Variants in GALNTL6 observed in about 807,000 individuals in gnomAD.
The protein encoded by GALNTL6 is polypeptide N-acetylgalactosaminyltransferase like 6.
Under a neutral mutation model 73.7 loss-of-function variants are expected in GALNTL6, and 46 were observed. The observed-to-expected ratio is 0.62, with a 90% CI of 0.49 to 0.80. GALNTL6 has a LOEUF of 0.80. Among genes scored for constraint, GALNTL6 ranks in the 30% least tolerant of loss-of-function variants. The pLI is 0.00. For synonymous variants in GALNTL6, 259 were observed against 263.7 expected (o/e 0.98, Z 0.17); for missense variants, 604 against 755.0 (o/e 0.80, Z 2.34).
At chr4:172,976,623 A>G (rs959042036) in intron 10 of GALNTL6, among the ~76,000 whole-genome samples, 3 of 152,224 alleles carry the variant, frequency 2.0e-5, no homozygotes, top group African/African-American at 4.8e-5. Context: ...ACTTTATAAC[A>G]TTTTTAAAAT....
chr4:172,181,367 C>G (rs561343712), intron 2 of GALNTL6, among the ~76,000 whole-genome samples: 1 of 152,314 alleles, frequency 6.6e-6, no homozygotes, highest in South Asian at 2.1e-4. Flanking sequence ...ATGAAAAAGT[C>G]ACATGATTAT....
chr4:171,879,585 T>A (rs1736379507), intron 2 of GALNTL6, among the ~76,000 whole-genome samples: 1 of 152,206 alleles, frequency 6.6e-6, no homozygotes, highest in East Asian at 1.9e-4. Flanking sequence ...AATTCATCAG[T>A]TTGTTCAATA....
chr4:172,401,360 C>A (rs1440011847), intron 5 of GALNTL6, among the ~76,000 whole-genome samples: 1 of 152,070 alleles, frequency 6.6e-6, no homozygotes, highest in East Asian at 1.9e-4. Context: ...AACTAATTTT[C>A]ATTCCAGCAA....
intron 2 of GALNTL6, among the ~76,000 whole-genome samples, chr4:172,094,964 T>C (rs564508310): frequency 3.3e-5 from 5 of 151,666 alleles, no homozygotes; most frequent in African/African-American, 1.2e-4. Flanking sequence ...TGTTTTTTTT[T>C]CCTTGAATTT....
intron 3 of GALNTL6, among the ~76,000 whole-genome samples, chr4:172,267,148 G>A (rs1228327194): frequency 1.3e-5 from 2 of 152,040 alleles, no homozygotes; most frequent in Non-Finnish European, 2.9e-5. Flanking sequence ...ATACAAACAT[G>A]GATGAGAAAT....
intron 3 of GALNTL6, among the ~76,000 whole-genome samples, chr4:172,304,594 T>G (rs1046830989): frequency 6.6e-6 from 1 of 152,212 alleles, no homozygotes; most frequent in Non-Finnish European, 1.5e-5. Context: ...AGAAGAAGTG[T>G]AAAAACACTG....
chr4:172,606,611 C>T lies in GALNTL6; in HGVS notation c.554-202750C>T, dbSNP rs371036881. 7.1e-3 allele frequency among the ~76,000 whole-genome samples: 824 copies of T among 116,286 alleles called. 13 individuals are homozygous for T. The highest frequency in any genetic ancestry group is 0.024 in the African/African-American group (675 of 28,430). The allele number at this position is 116,286 out of a possible 152,430, so 76.3% of individuals were successfully genotyped here. Reference sequence around the variant, plus strand: ...ATATATACACATATATACATATATACATATATAGTATATATATACTATATA... The same window carrying T: ...ATATATACACATATATACATATATATATATATAGTATATATATACTATATA... On this transcript the variant is annotated intron_variant, in intron 5 of 12. Transcript: ENST00000506823.
chr4:172,722,069 C>T (rs1460419554), intron 5 of GALNTL6, among the ~76,000 whole-genome samples: 2 of 151,566 alleles, frequency 1.3e-5, no homozygotes, highest in Non-Finnish European at 2.9e-5. Context: ...GATGTGGCTC[C>T]TTTCTGTCAA....
intron 7 of GALNTL6, among the ~76,000 whole-genome samples, chr4:172,851,472 AT>A (rs1743817292): frequency 6.6e-6 from 1 of 152,118 alleles, no homozygotes; most frequent in Admixed American, 6.6e-5. Context: ...ATACATATAT[AT>A]ATCATTATTT....
intron 5 of GALNTL6, among the ~76,000 whole-genome samples, chr4:172,583,428 A>G (rs1408981579): frequency 2.0e-5 from 3 of 152,206 alleles, no homozygotes; most frequent in African/African-American, 7.2e-5. Context: ...AAAAATTAAG[A>G]AAGTATCTGA....
rs1417831259 is a variant in GALNTL6 at position 172,509,204 on chromosome 4, A to G, written c.553+160515A>G. Among the ~76,000 whole-genome samples, 3 of 53,034 alleles carry G rather than the reference A, an allele frequency of 5.7e-5. 1 individual carries two copies. The highest frequency in any genetic ancestry group is 1.4e-4 in the African/African-American group (3 of 21,056). 34.8% of individuals were successfully genotyped at this position (53,034 alleles called of 152,430 possible). A position where few individuals can be genotyped will look rare whatever the true frequency, so the allele number is the denominator to read the frequency against. ...TTGCATTTCCCTCATAATTAGTGAT[A>G]TTGAGCATTTTTTAATATGTGTGTT... On this transcript the variant is annotated intron_variant, in intron 5 of 12. Coordinates refer to ENST00000506823, the MANE Select transcript of GALNTL6 (RefSeq NM_001034845.3).
Position 172,040,114 on chromosome 4 carries a change from C to T in GALNTL6, c.139-189542C>T, listed in dbSNP as rs137891439. Among the ~76,000 whole-genome samples the T allele has an allele frequency of 3.2e-3, 490 of 151,828 alleles. 12 individuals carry two copies. The East Asian group carries it at 0.05, about 15-fold the overall frequency. ...ACACAAAAACAAGGTCCCTGGGATG[C>T]CTGGTTTTCTATAACAATGGCGCAA... On this transcript the variant is annotated intron_variant, in intron 2 of 12. Transcript: ENST00000506823.
At chr4:172,769,001 G>T (rs1005490226) in intron 5 of GALNTL6, among the ~76,000 whole-genome samples, 2 of 151,928 alleles carry the variant, frequency 1.3e-5, no homozygotes, top group East Asian at 3.9e-4. Flanking sequence ...TTGCTGGTCC[G>T]CAAACAGATA....
chr4:171,976,133 G>T (rs1739715096), intron 2 of GALNTL6, among the ~76,000 whole-genome samples: 1 of 152,154 alleles, frequency 6.6e-6, no homozygotes, highest in African/African-American at 2.4e-5. Context: ...ATGTTGTCCA[G>T]GCTGGTCTTG....
intron 2 of GALNTL6, among the ~76,000 whole-genome samples, chr4:171,820,773 T>C (rs1734656840): frequency 6.6e-6 from 1 of 152,144 alleles, no homozygotes; most frequent in African/African-American, 2.4e-5. Context: ...GTAATATAAT[T>C]AACACAATTG....
intron 2 of GALNTL6, among the ~76,000 whole-genome samples, chr4:171,896,554 G>A (rs1434453424): frequency 6.6e-6 from 1 of 152,168 alleles, no homozygotes; most frequent in African/African-American, 2.4e-5. Context: ...TGGCAGATTT[G>A]TTGTCTGGTA....
At chr4:172,579,498 G>T (rs927832112) in intron 5 of GALNTL6, among the ~76,000 whole-genome samples, 3 of 152,094 alleles carry the variant, frequency 2.0e-5, no homozygotes, top group African/African-American at 7.2e-5. Context: ...ACCAATTTTG[G>T]TGGTCTCGGC....
intron 5 of GALNTL6, among the ~76,000 whole-genome samples, chr4:172,736,136 G>A (rs977626080): frequency 1.3e-5 from 2 of 152,186 alleles, no homozygotes; most frequent in Admixed American, 6.5e-5. Flanking sequence ...CAGGAAACAG[G>A]GTTTGAGAGC....
At chr4:172,281,149 C>T (rs945551929) in intron 3 of GALNTL6, among the ~76,000 whole-genome samples, 2 of 152,126 alleles carry the variant, frequency 1.3e-5, no homozygotes, top group Admixed American at 1.3e-4. Flanking sequence ...CCAGTCTGGA[C>T]CACAGAGTGA....
Sources: gnomAD v4.1 joint callset for allele counts (sites outside exome capture counted in the v4.1 genomes callset) on GRCh38, gnomAD v4.1.1 for gene constraint, MANE v1.5 for transcripts, NCBI Gene and HGNC (gene_info 2026-07-23, HGNC 2026-07-21) for gene names.